GRIK2: variants seen among roughly 807,000 people sequenced by gnomAD.
The protein encoded by GRIK2 is glutamate ionotropic receptor kainate type subunit 2.
In GRIK2, 32 loss-of-function variants were observed where a neutral mutation model predicts 100.3. The observed-to-expected ratio is 0.32, with a 90% CI of 0.24 to 0.43. The LOEUF (loss-of-function observed/expected upper bound fraction) is 0.43. Among genes scored for constraint, GRIK2 ranks in the 20% least tolerant of loss-of-function variants. The pLI, the probability that GRIK2 is intolerant of heterozygous loss-of-function variation, is 1.00. For synonymous variants in GRIK2, 417 were observed against 389.4 expected, an observed-to-expected ratio of 1.07 and a Z score of -0.83; for missense variants, 843 against 1,114.9, an observed-to-expected ratio of 0.76 and a Z score of 3.47.
intron 15 of GRIK2, among the ~76,000 whole-genome samples, chr6:102,041,697 A>C (rs930343234): frequency 6.6e-6 from 1 of 151,610 alleles, no homozygotes; most frequent in Non-Finnish European, 1.5e-5. Context: ...GATTGTGATA[A>C]AGATTGAGCA....
intron 7 of GRIK2, among the ~76,000 whole-genome samples, chr6:101,720,919 C>T (rs1340184269): frequency 1.3e-5 from 2 of 151,876 alleles, no homozygotes; most frequent in Non-Finnish European, 2.9e-5. Flanking sequence ...GCCAGATATG[C>T]ATTATTTTGA....
intron 4 of GRIK2, among the ~76,000 whole-genome samples, chr6:101,663,932 A>G (rs915286730): frequency 6.6e-6 from 1 of 152,152 alleles, no homozygotes; most frequent in African/African-American, 2.4e-5. Context: ...AGGCCTTCCT[A>G]GGATACTGAC....
At chr6:101,819,624 C>A (rs544927799) in intron 10 of GRIK2, among the ~76,000 whole-genome samples, 10 of 152,224 alleles carry the variant, frequency 6.6e-5, no homozygotes, top group Admixed American at 6.5e-4. Context: ...CCATACCCAC[C>A]AACCTAGCCC....
At chr6:101,757,268 T>C (rs1777194165) in intron 7 of GRIK2, among the ~76,000 whole-genome samples, 1 of 152,154 alleles carries the variant, frequency 6.6e-6, no homozygotes, top group African/African-American at 2.4e-5. Flanking sequence ...TACAAATAAA[T>C]CAATTAATAT....
chr6:101,891,532 A>T (rs2128458101), intron 12 of GRIK2: 1 of 393,982 alleles, frequency 2.5e-6, no homozygotes, highest in South Asian at 1.9e-5. Flanking sequence ...AAAAAAAAAA[A>T]AAAAAGGTGG....
chr6:101,410,724 A>G (rs1195309071), intron 2 of GRIK2, among the ~76,000 whole-genome samples: 2 of 152,156 alleles, frequency 1.3e-5, no homozygotes, highest in Non-Finnish European at 2.9e-5. Flanking sequence ...CTCTGTACAC[A>G]AAATCCCAGC....
At chr6:101,882,775 T>G (rs1192027766) in intron 11 of GRIK2, among the ~76,000 whole-genome samples, 1 of 152,118 alleles carries the variant, frequency 6.6e-6, no homozygotes, top group Non-Finnish European at 1.5e-5. Flanking sequence ...GTATGGGAAA[T>G]ATACAATTTA....
At chr6:101,929,249 C>T (rs866639991) in intron 14 of GRIK2, among the ~76,000 whole-genome samples, 3 of 152,094 alleles carry the variant, frequency 2.0e-5, no homozygotes, top group South Asian at 4.1e-4. Context: ...GCCTTGCCCT[C>T]GTCTATTTTT....
chr6:101,443,272 T>C (rs1770182693), intron 2 of GRIK2, among the ~76,000 whole-genome samples: 1 of 152,172 alleles, frequency 6.6e-6, no homozygotes, highest in South Asian at 2.1e-4. Flanking sequence ...TTTTCAAGAA[T>C]CAAACAGCTT....
chr6:101,470,023 G>A (rs1247603845), intron 2 of GRIK2, among the ~76,000 whole-genome samples: 2 of 152,082 alleles, frequency 1.3e-5, no homozygotes, highest in African/African-American at 4.8e-5. Context: ...CTATGTATCT[G>A]GTGTGGGGCA....
At chr6:101,580,684 C>G (rs75992100) in intron 2 of GRIK2, among the ~76,000 whole-genome samples, 97 of 152,266 alleles carry the variant, frequency 6.4e-4, no homozygotes, top group African/African-American at 2.2e-3. Context: ...CCGAACCTCT[C>G]TGCCCTAAGT....
chr6:101,888,250 C>T (rs956605182), intron 11 of GRIK2, among the ~76,000 whole-genome samples: 6 of 152,052 alleles, frequency 3.9e-5, no homozygotes, highest in Non-Finnish European at 8.8e-5. Context: ...ACTTTATATC[C>T]TGGTTCCAAT....
intron 14 of GRIK2, among the ~76,000 whole-genome samples, chr6:101,969,323 A>AT (rs987175006): frequency 1.2e-4 from 18 of 151,958 alleles, no homozygotes; most frequent in African/African-American, 3.9e-4. Context: ...ATGTTTATGC[A>AT]TTTTTTAGTT....
intron 10 of GRIK2, among the ~76,000 whole-genome samples, chr6:101,857,258 A>G (rs1210580398): frequency 6.6e-6 from 1 of 152,210 alleles, no homozygotes; most frequent in African/African-American, 2.4e-5. Flanking sequence ...GGTACAGTCC[A>G]GCAGAGCAGG....
At chr6:101,547,978 C>T (rs1375238125) in intron 2 of GRIK2, among the ~76,000 whole-genome samples, 3 of 151,890 alleles carry the variant, frequency 2.0e-5, no homozygotes, top group Non-Finnish European at 4.4e-5. Flanking sequence ...CTCTCCAGCA[C>T]CTGTTTTTTC....
intron 2 of GRIK2, among the ~76,000 whole-genome samples, chr6:101,564,576 G>A (rs2128296792): frequency 6.6e-6 from 1 of 152,228 alleles, no homozygotes; most frequent in Non-Finnish European, 1.5e-5. Flanking sequence ...TATTTCAAAT[G>A]TCTACTTGCC....
intron 2 of GRIK2, among the ~76,000 whole-genome samples, chr6:101,449,598 A>T (rs1381082131): frequency 6.6e-6 from 1 of 151,806 alleles, no homozygotes; most frequent in Non-Finnish European, 1.5e-5. Context: ...GTGAATTATG[A>T]TTGGACAAAG....
intron 4 of GRIK2, 65 bp from the exon 5 acceptor site, chr6:101,676,558 G>T (rs1180436521): frequency 1.1e-6 from 1 of 937,850 alleles, no homozygotes. Context: ...AGTGTTTTCT[G>T]ATTCTTTGCC....
intron 14 of GRIK2, among the ~76,000 whole-genome samples, chr6:102,020,319 G>T (rs1305071804): frequency 2.0e-5 from 3 of 151,894 alleles, no homozygotes; most frequent in Non-Finnish European, 4.4e-5. Context: ...TAGCTTTAGG[G>T]TTCACTGCAA....
Sources: allele counts gnomAD v4.1 joint callset (sites outside exome capture counted in the v4.1 genomes callset), GRCh38; gene constraint gnomAD v4.1.1; transcripts MANE v1.5; gene names NCBI Gene and HGNC (gene_info 2026-07-23, HGNC 2026-07-21).